Variants in SLC22A8 observed in about 807,000 individuals in gnomAD.
The protein encoded by SLC22A8 is organic anion transporter 3.
SLC22A8 carries 40 observed loss-of-function variants against 48.4 expected under a neutral mutation model. The ratio of observed to expected loss-of-function variants is 0.83; its 90% CI spans 0.64 to 1.08. The LOEUF (loss-of-function observed/expected upper bound fraction) is 1.08. Among genes scored for constraint, SLC22A8 ranks in the 50% least tolerant of loss-of-function variants. The probability of loss-of-function intolerance (pLI) is 0.00; values close to 1 mark genes in which losing one functional copy is unlikely to be tolerated. For synonymous variants in SLC22A8, 268 were observed against 286.3 expected, an observed-to-expected ratio of 0.94 and a Z score of 0.65; for missense variants, 606 against 699.0, an observed-to-expected ratio of 0.87 and a Z score of 1.50.
At chr11:63,014,019 C>A (rs2086646924) in intron 2 of SLC22A8, among the ~76,000 whole-genome samples, 1 of 152,188 alleles carries the variant, frequency 6.6e-6, no homozygotes, top group African/African-American at 2.4e-5. Flanking sequence ...GAGACATTTT[C>A]TGGGTCTGCT....
rs906114833 is a variant in SLC22A8 at position 63,005,722 on chromosome 11, A to G, written c.334-4899T>C. Among the ~76,000 whole-genome samples, 232 of 152,214 alleles carry G rather than the reference A, an allele frequency of 1.5e-3. 1 individual carries two copies. The highest frequency in any genetic ancestry group is 5.4e-3 in the African/African-American group (225 of 41,530). ...TGCGTCTACAAGCTGGGGAATGCCA[A>G]GGGTTTCCGGCAACCACCAGAAGCT... is the stretch of plus-strand genomic sequence containing the variant. On this transcript the variant is annotated intron_variant, in intron 2 of 10. Coordinates refer to ENST00000336232, the MANE Select transcript of SLC22A8 (RefSeq NM_004254.4).
chr11:62,997,392 T>TG (rs2086435387), intron 5 of SLC22A8, among the ~76,000 whole-genome samples: 1 of 151,894 alleles, frequency 6.6e-6, no homozygotes, highest in Admixed American at 6.6e-5. Flanking sequence ...ACCCGGCTAA[T>TG]TTTTTGTGTT....
At chr11:62,995,655 G>C (rs1277393532) in intron 7 of SLC22A8, 49 bp downstream of exon 7, 4 of 1,386,342 alleles carry the variant, frequency 2.9e-6, no homozygotes, top group Non-Finnish European at 4.1e-6. Flanking sequence ...TGGAGGCCTT[G>C]TCTATCACCC....
At chr11:62,993,371 C>T in intron 10 of SLC22A8, 35 bp from the exon 11 acceptor site, 1 of 1,613,242 alleles carries the variant, frequency 6.2e-7, no homozygotes, top group South Asian at 1.1e-5. Context: ...GCCCTGGGCC[C>T]AGACCTGCTT....
chr11:63,004,949 A>G (rs958022759), intron 2 of SLC22A8, among the ~76,000 whole-genome samples: 1 of 152,228 alleles, frequency 6.6e-6, no homozygotes, highest in African/African-American at 2.4e-5. Context: ...GTGCATGTCA[A>G]TATGGATAGT....
At chr11:63,000,880 T>TG in intron 2 of SLC22A8, 57 bp from the exon 3 acceptor site, 1 of 1,357,846 alleles carries the variant, frequency 7.4e-7, no homozygotes, top group Non-Finnish European at 1.1e-6. Flanking sequence ...TGCTCAGCCA[T>TG]GCTCAGCCTG....
intron 7 of SLC22A8, 114 bp from the exon 8 acceptor site, chr11:62,994,870 C>T (rs543761149): frequency 5.3e-5 from 41 of 780,714 alleles, no homozygotes; most frequent in Non-Finnish European, 8.9e-5. Context: ...CCAACTGCAA[C>T]TGATGATAGG....
chr11:63,010,218 T>C (rs904979485), intron 2 of SLC22A8, among the ~76,000 whole-genome samples: 2 of 152,154 alleles, frequency 1.3e-5, no homozygotes, highest in Non-Finnish European at 2.9e-5. Flanking sequence ...GGATGAGGAA[T>C]CCGAGACTTC....
In SLC22A8 at chr11:63,000,576, G is replaced by A. The variant is rs751366109; in HGVS notation, c.437+144C>T. 11 of 589,344 alleles carry A rather than the reference G, an allele frequency of 1.9e-5. No individual in the cohort carries two copies. In the South Asian group the frequency reaches 2.0e-4, roughly 11 times the overall value. 36.5% of individuals were successfully genotyped at this position (589,344 alleles called of 1,614,324 possible). A position where few individuals can be genotyped will look rare whatever the true frequency, so the allele number is the denominator to read the frequency against. ...GAGAAGGCTGTGGTCCAGAAAGGTA[G>A]TGAGGTTTGCCCAAGGCCACACAGC... On this transcript the variant is annotated intron_variant, in intron 3 of 10. Transcript: ENST00000336232.
chr11:63,014,817 G>T lies in SLC22A8; in HGVS notation c.142C>A (p.His48Asn). The change falls in exon 2 of 11, where the codon CAC (histidine) becomes AAC (asparagine). Residue 48 changes from histidine (H) to asparagine (N), a missense_variant. Coordinates refer to ENST00000336232, the MANE Select transcript of SLC22A8 (RefSeq NM_004254.4). ...QIFTAATPVHHCRPPHNASTG... is the reference protein window; with the variant it reads ...QIFTAATPVHNCRPPHNASTG... ...GAGGCATTGTGGGGCGGGCGACAGTGGTGGACAGGGGTGGCGGCTGTGAAG... is the reference window on the plus strand; with the variant it reads ...GAGGCATTGTGGGGCGGGCGACAGTTGTGGACAGGGGTGGCGGCTGTGAAG... 1 of 1,612,640 alleles carries T rather than the reference G, an allele frequency of 6.2e-7. No individual in the cohort carries two copies. Among genetic ancestry groups the T allele is most frequent in the Non-Finnish European group, 8.5e-7 (1 of 1,178,808 alleles).
chr11:63,001,240 T>A (rs573500984), intron 2 of SLC22A8, among the ~76,000 whole-genome samples: 1 of 152,194 alleles, frequency 6.6e-6, no homozygotes, highest in Non-Finnish European at 1.5e-5. Flanking sequence ...CCTCTCTTCA[T>A]CCTGCAGATC....
chr11:63,000,405 A>G (rs2086478245), intron 3 of SLC22A8, among the ~76,000 whole-genome samples: 1 of 151,348 alleles, frequency 6.6e-6, no homozygotes, highest in Non-Finnish European at 1.5e-5. Flanking sequence ...AATCACTTGA[A>G]TCCGGGAGGT....
In SLC22A8 at chr11:62,993,000, G is replaced by A. The variant is rs1231802235; in HGVS notation, c.*237C>T. On this transcript the variant is annotated 3_prime_UTR_variant, in exon 11 of 11. Transcript: ENST00000336232. ...GGGGGAAGGTGGCCAGTGGGGAAGG[G>A]CTAGACAGAAGAATGGCAGGGCCTG... is the stretch of plus-strand genomic sequence containing the variant. 1.2e-5 allele frequency: 7 copies of A among 569,624 alleles called. No individual in the cohort carries two copies. Among genetic ancestry groups the A allele is most frequent in the South Asian group, 4.8e-5 (2 of 41,996 alleles). The allele number at this position is 569,624 out of a possible 1,614,324, so 35.3% of individuals were successfully genotyped here.
intron 2 of SLC22A8, among the ~76,000 whole-genome samples, chr11:63,014,289 G>A (rs879513049): frequency 6.6e-6 from 1 of 152,188 alleles, no homozygotes; most frequent in Non-Finnish European, 1.5e-5. Context: ...ACACTTATTT[G>A]TGTGGTGTTT....
chr11:63,013,400 A>G (rs2086640392), intron 2 of SLC22A8, among the ~76,000 whole-genome samples: 1 of 152,216 alleles, frequency 6.6e-6, no homozygotes, highest in Non-Finnish European at 1.5e-5. Context: ...CCACAGATGT[A>G]TAGTGCTTGG....
chr11:63,013,475 GA>G (rs2086641322), intron 2 of SLC22A8, among the ~76,000 whole-genome samples: 3 of 152,160 alleles, frequency 2.0e-5, no homozygotes, highest in African/African-American at 7.2e-5. Context: ...TCCTGCCCTT[GA>G]GGGGTTCATG....
Position 62,995,770 on chromosome 11 carries a change from T to C in SLC22A8, c.935A>G (p.Tyr312Cys). The C allele has an allele frequency of 6.2e-7, 1 of 1,614,128 alleles. No individual in the cohort carries two copies. Among genetic ancestry groups the C allele is most frequent in the Non-Finnish European group, 8.5e-7 (1 of 1,180,004 alleles). Residue 312 changes from tyrosine to cysteine, a missense_variant, in exon 7 of 11, where the codon TAC (tyrosine) becomes TGC (cysteine). By Grantham distance (194) the Tyr-to-Cys change is radical. Coordinates refer to ENST00000336232, the MANE Select transcript of SLC22A8 (RefSeq NM_004254.4). ...TATCCGGAACAGGTCACTTGCGGTG[T>C]ACTTGGCCTTGGCCAAGGAGATCTC... The part of the protein sequence containing the change: ...QKEISLAKAK[Y>C]TASDLFRIPM...
chr11:62,996,877 T>G (rs2086427368), intron 5 of SLC22A8, among the ~76,000 whole-genome samples: 1 of 152,214 alleles, frequency 6.6e-6, no homozygotes, highest in Non-Finnish European at 1.5e-5. Flanking sequence ...AGAAGTCTGG[T>G]CCAAGGCAGG....
At chr11:63,003,248 A>C (rs1339217622) in intron 2 of SLC22A8, among the ~76,000 whole-genome samples, 3 of 152,258 alleles carry the variant, frequency 2.0e-5, no homozygotes, top group African/African-American at 7.2e-5. Context: ...GAAATGCCTC[A>C]CAAGAATGTT....
Sources: allele counts gnomAD v4.1 joint callset (sites outside exome capture counted in the v4.1 genomes callset), GRCh38; gene constraint gnomAD v4.1.1; transcripts MANE v1.5; gene names NCBI Gene and HGNC (gene_info 2026-07-23, HGNC 2026-07-21).